RYR1: variants seen among roughly 807,000 people sequenced by gnomAD.
RYR1 encodes the protein ryanodine receptor 1.
Under a neutral mutation model 583.5 loss-of-function variants are expected in RYR1, and 342 were observed. The observed-to-expected ratio is 0.59, with a 90% confidence interval of 0.54 to 0.64. The LOEUF (loss-of-function observed/expected upper bound fraction) is 0.64, where lower values mean the gene tolerates loss of function less well. Ranked by LOEUF, RYR1 falls within the 30% of genes least tolerant of loss-of-function variation. The pLI, the probability that RYR1 is intolerant of heterozygous loss-of-function variation, is 0.00. For missense variants in RYR1, 6,032 were observed against 6,917.2 expected (o/e 0.87, Z 4.54); for synonymous variants, 2,791 against 2,822.5 (o/e 0.99, Z 0.35).
At chr19:38,461,049 C>T (rs1271160116) in intron 20 of RYR1, among the ~76,000 whole-genome samples, 1 of 152,012 alleles carries the variant, frequency 6.6e-6, no homozygotes, top group African/African-American at 2.4e-5. Context: ...CCCAGCTACT[C>T]GGGAGGCTGA....
In RYR1 at chr19:38,539,244, T is replaced by C. The variant is rs368256891; in HGVS notation, c.11689+1284T>C. On this transcript the variant is annotated intron_variant, in intron 84 of 105. Coordinates refer to ENST00000359596, the MANE Select transcript of RYR1 (RefSeq NM_000540.3). The stretch of plus-strand genomic sequence containing the variant: ...CATGGGACTAAGATTTTTTCTTTTT[T>C]TTTTTTTTTTTTTTAGACAGAGTCT... Among the ~76,000 whole-genome samples, 171 of 149,726 alleles carry C rather than the reference T, an allele frequency of 1.1e-3. 1 individual carries two copies. The highest frequency in any genetic ancestry group is 4.0e-3 in the African/African-American group (163 of 40,866).
At chr19:38,449,109 G>C (rs941694366) in intron 11 of RYR1, among the ~76,000 whole-genome samples, 7 of 152,156 alleles carry the variant, frequency 4.6e-5, no homozygotes, top group African/African-American at 1.7e-4. Flanking sequence ...GACAGACAGG[G>C]AAAGGCAGAG....
rs1300746737 is a variant in RYR1 at position 38,534,779 on chromosome 19, G to A, written c.11319G>A (p.Gly3773=). 5.0e-6 allele frequency: 8 copies of A among 1,613,772 alleles called. No homozygotes were observed. Among genetic ancestry groups the A allele is most frequent in the Non-Finnish European group, 5.9e-6 (7 of 1,179,980 alleles). Residue 3773 remains glycine (G), a synonymous_variant, in exon 79 of 106, where the codon GGG becomes GGA. Transcript: ENST00000359596. ...LYQQARLHTR[G]AAEMVLQMIS... is the part of the protein sequence containing the mutation. ...AGCAAGCACGGCTGCACACCCGGGG[G>A]GCGGCCGAGATGGTGCTGCAGATGA...
At chr19:38,556,944 A>G (rs1040213260) in intron 89 of RYR1, among the ~76,000 whole-genome samples, 1 of 151,738 alleles carries the variant, frequency 6.6e-6, no homozygotes, top group Non-Finnish European at 1.5e-5. Flanking sequence ...GGGCTACTGT[A>G]TACCTCCACC....
In RYR1 at chr19:38,440,762, G is replaced by T; in HGVS notation, c.63G>T (p.Leu21=). The change falls in exon 2 of 106, where the codon CTG becomes CTT. Residue 21 remains leucine, a synonymous_variant. Transcript: ENST00000359596. The part of the protein sequence containing the change: ...QFLRTDDEVV[L]QCSATVLKEQ... Reference sequence around the variant, plus strand: ...TTCCGCAGGACGATGAGGTGGTCCTGCAGTGCAGCGCTACCGTGCTCAAGG... The same window carrying T: ...TTCCGCAGGACGATGAGGTGGTCCTTCAGTGCAGCGCTACCGTGCTCAAGG... 1 of 1,607,632 alleles carries T rather than the reference G, an allele frequency of 6.2e-7. No individual in the cohort carries two copies. The highest frequency in any genetic ancestry group is 8.5e-7 in the Non-Finnish European group (1 of 1,177,546).
chr19:38,527,958 T>A (rs1338936797), intron 73 of RYR1, 174 bp downstream of exon 73: 3 of 638,974 alleles, frequency 4.7e-6, no homozygotes, highest in African/African-American at 2.0e-5. Flanking sequence ...AGGGGTCTGC[T>A]GCTTAATCTT....
rs59200109 is a variant in RYR1, at chr19:38,487,746, G to T, written c.5548-1431G>T. Among the ~76,000 whole-genome samples the T allele has an allele frequency of 4.4e-3, 665 of 152,112 alleles. 4 individuals carry two copies. The highest frequency in any genetic ancestry group is 0.015 in the African/African-American group (636 of 41,466). ...CCTCCTGGGCTTCAGCAATCCTTCT[G>T]CCTCAGCCTCCTGAATAGCTGGGAC... On this transcript the variant is annotated intron_variant, in intron 34 of 105. Coordinates refer to ENST00000359596, the MANE Select transcript of RYR1 (RefSeq NM_000540.3).
At chr19:38,436,013 A>T (rs911617456) in intron 1 of RYR1, among the ~76,000 whole-genome samples, 1 of 151,366 alleles carries the variant, frequency 6.6e-6, no homozygotes, top group Non-Finnish European at 1.5e-5. Flanking sequence ...GGTTCAAGCG[A>T]TTCTTCTGCC....
chr19:38,494,071 C>T (rs901083439), intron 38 of RYR1, among the ~76,000 whole-genome samples: 3 of 152,088 alleles, frequency 2.0e-5, no homozygotes, highest in Non-Finnish European at 4.4e-5. Context: ...TGGGAGGCCA[C>T]AGTAGGAGGA....
At chr19:38,510,156 A>G (rs1970661504) in intron 58 of RYR1, among the ~76,000 whole-genome samples, 1 of 152,266 alleles carries the variant, frequency 6.6e-6, no homozygotes, top group South Asian at 2.1e-4. Flanking sequence ...CCTTGGCTGT[A>G]CTAAAAATAC....
chr19:38,492,538 T>G lies in RYR1; in HGVS notation c.6176T>G (p.Leu2059Arg), dbSNP rs1600794469. The change falls in exon 38 of 106, where the codon CTG (leucine) becomes CGG (arginine). Residue 2059 changes from leucine (L) to arginine (R), a missense_variant. Coordinates refer to ENST00000359596, the MANE Select transcript of RYR1 (RefSeq NM_000540.3). ...EEEEPEEETT[L>R]GSRLMSLLEK... is the part of the protein sequence containing the mutation. ...GAGGAACCAGAGGAAGAGACCACCCTGGGCAGCCGCCTCATGAGCCTGTTG... is the reference window on the plus strand; with the variant it reads ...GAGGAACCAGAGGAAGAGACCACCCGGGGCAGCCGCCTCATGAGCCTGTTG... 1 of 1,613,984 alleles carries G rather than the reference T, an allele frequency of 6.2e-7. No individual in the cohort carries two copies. The highest frequency in any genetic ancestry group is 8.5e-7 in the Non-Finnish European group (1 of 1,179,958).
chr19:38,526,834 C>A, intron 71 of RYR1, 159 bp from the exon 72 acceptor site: 3 of 701,874 alleles, frequency 4.3e-6, no homozygotes, highest in Non-Finnish European at 5.0e-6. Context: ...CCCTTCTGAC[C>A]CCGTCAACCT....
rs2960345 is a variant in RYR1 at position 38,506,574 on chromosome 19, T to G, written c.8692+28T>G. 0.28 allele frequency: 452,090 copies of G among 1,610,966 alleles called. 67,457 individuals are homozygous for G. Among genetic ancestry groups the G allele is most frequent in the South Asian group, 0.45 (40,700 of 90,982 alleles). Reference sequence around the variant, plus strand: ...GAGGGCGCCCATGCCGCCCCCACGCTACCCCCGTGGATTCACCGTGTGGTT... The same window carrying G: ...GAGGGCGCCCATGCCGCCCCCACGCGACCCCCGTGGATTCACCGTGTGGTT... On this transcript the variant is annotated intron_variant, in intron 56 of 105. Transcript: ENST00000359596.
At chr19:38,576,151 A>G (rs1180048443) in intron 97 of RYR1, among the ~76,000 whole-genome samples, 190 bp downstream of exon 97, 3 of 152,036 alleles carry the variant, frequency 2.0e-5, no homozygotes, top group Non-Finnish European at 4.4e-5. Context: ...GAATGGGCAC[A>G]TGGAAAGAGC....
chr19:38,571,354 C>G (rs560719692), intron 94 of RYR1, among the ~76,000 whole-genome samples: 1 of 152,272 alleles, frequency 6.6e-6, no homozygotes, highest in South Asian at 2.1e-4. Flanking sequence ...GGATAAGGCA[C>G]CAGGCACAGT....
Position 38,452,946 on chromosome 19 carries a change from T to C in RYR1, c.1372T>C (p.Leu458=), listed in dbSNP as rs369932139. The C allele has an allele frequency of 3.1e-6, 5 of 1,613,996 alleles. No homozygotes were observed. Among genetic ancestry groups the C allele is most frequent in the East Asian group, 2.2e-5 (1 of 44,862 alleles). Residue 458 remains leucine (L), a synonymous_variant, in exon 13 of 106, where the codon TTG becomes CTG. Transcript: ENST00000359596. ...IIYFEPPSED[L]QHEEKQSKLR... ...CTACTTCGAGCCTCCCTCCGAGGAC[T>C]TGCAGCACGAGGAGAAGCAGAGCAA...
intron 94 of RYR1, among the ~76,000 whole-genome samples, chr19:38,571,190 A>G (rs1276473681): frequency 1.3e-5 from 2 of 152,178 alleles, no homozygotes; most frequent in African/African-American, 2.4e-5. Flanking sequence ...AAGGTAGACT[A>G]GAGAGATCGA....
rs1029451947 is a variant in RYR1 at position 38,525,271 on chromosome 19, G to A, written c.10456-61G>A. On this transcript the variant is annotated intron_variant, in intron 70 of 105. Coordinates refer to ENST00000359596, the MANE Select transcript of RYR1 (RefSeq NM_000540.3). ...GGCCTGGGGTGTGGATGATGGCCGC[G>A]GGTTGGGGCTGAGGCATGGGATTGG... 1.4e-5 allele frequency: 23 copies of A among 1,607,142 alleles called. 1 individual carries two copies. Among genetic ancestry groups the A allele is most frequent in the African/African-American group, 9.4e-5 (7 of 74,694 alleles).
At chr19:38,490,341 C>T in intron 36 of RYR1, 65 bp downstream of exon 36, 1 of 1,476,454 alleles carries the variant, frequency 6.8e-7, no homozygotes, top group African/African-American at 1.4e-5. Context: ...TCTCCTGACT[C>T]TGATCACTGA....
Sources: allele counts gnomAD v4.1 joint callset (sites outside exome capture counted in the v4.1 genomes callset), GRCh38; gene constraint gnomAD v4.1.1; transcripts MANE v1.5; gene names NCBI Gene and HGNC (gene_info 2026-07-23, HGNC 2026-07-21).